The following SPECC1 variants were observed in gnomAD, a reference collection of about 807,000 sequenced individuals.
SPECC1 encodes the protein sperm antigen with calponin homology and coiled-coil domains 1, also known as cytospin-B.
In SPECC1, 62 loss-of-function variants were observed where a neutral mutation model predicts 104.1. That is an observed-to-expected ratio of 0.60 (90% CI 0.49 to 0.74). SPECC1 has a LOEUF of 0.74. Ranked by LOEUF, SPECC1 falls within the 30% of genes least tolerant of loss-of-function variation. The pLI, the probability that SPECC1 is intolerant of heterozygous loss-of-function variation, is 0.00. For missense variants in SPECC1, 1,306 were observed against 1,310.5 expected (o/e 1.00, Z 0.05); for synonymous variants, 513 against 501.6 (o/e 1.02, Z -0.30).
chr17:20,052,524 A>G (rs2045812804), intron 1 of SPECC1, among the ~76,000 whole-genome samples: 1 of 152,164 alleles, frequency 6.6e-6, no homozygotes, highest in African/African-American at 2.4e-5. Flanking sequence ...GTTCAAAGAT[A>G]CCTTAACGCC....
chr17:20,241,873 A>G (rs1265167197), intron 7 of SPECC1, among the ~76,000 whole-genome samples: 1 of 152,222 alleles, frequency 6.6e-6, no homozygotes, highest in Non-Finnish European at 1.5e-5. Flanking sequence ...AGGCAAGGGC[A>G]TAGAATGAGC....
At chr17:20,026,351 G>A (rs552001671) in intron 1 of SPECC1, among the ~76,000 whole-genome samples, 2 of 151,954 alleles carry the variant, frequency 1.3e-5, no homozygotes, top group Non-Finnish European at 2.9e-5. Context: ...ATCTCTTCTA[G>A]CTTTTTGAAC....
At chr17:20,051,129 TTTCTTTCTTTCCTTCTTTCC>T (rs2045754641) in intron 1 of SPECC1, among the ~76,000 whole-genome samples, 98 of 97,740 alleles carry the variant, frequency 1.0e-3, no homozygotes, top group African/African-American at 3.8e-3. Flanking sequence ...TCTTTCTTTC[TTTCTTTCTTTCCTTCTTTCC>T]TTCTTTCCTT....
At position 20,205,302 on chromosome 17, in the gene SPECC1, A is replaced by C. The variant is rs1396998300; in HGVS notation, c.1253A>C (p.Glu418Ala). The change falls in exon 4 of 15, where the codon GAA (glutamate) becomes GCA (alanine). Residue 418 changes from glutamate to alanine, a missense_variant. Coordinates refer to ENST00000395527, the MANE Select transcript of SPECC1 (RefSeq NM_001243439.2). The part of the protein sequence containing the change: ...LTAENEKLVD[E>A]KTILETSFHQ... ...GCTGAAAATGAGAAGCTGGTGGATG[A>C]AAAGACGATTTTAGAGACATCCTTT... The C allele has an allele frequency of 6.2e-7, 1 of 1,614,242 alleles. No homozygotes were observed. The highest frequency in any genetic ancestry group is 2.2e-5 in the East Asian group (1 of 44,890).
At chr17:20,287,273 C>T (rs1279106282) in intron 12 of SPECC1, among the ~76,000 whole-genome samples, 4 of 151,888 alleles carry the variant, frequency 2.6e-5, no homozygotes, top group Non-Finnish European at 2.9e-5. Flanking sequence ...AAAAATTAGC[C>T]GGGCGCGGTG....
chr17:20,212,667 T>G (rs1164088795), intron 4 of SPECC1, among the ~76,000 whole-genome samples: 3 of 152,332 alleles, frequency 2.0e-5, no homozygotes, highest in African/African-American at 7.2e-5. Flanking sequence ...AGCCAGTCTG[T>G]ATCACTCATG....
intron 3 of SPECC1, among the ~76,000 whole-genome samples, chr17:20,113,377 A>G (rs1301218297): frequency 6.6e-6 from 1 of 152,150 alleles, no homozygotes; most frequent in Non-Finnish European, 1.5e-5. Flanking sequence ...AACATATGCA[A>G]TTTATATTTA....
chr17:20,155,778 G>T, intron 3 of SPECC1: 1 of 366,992 alleles, frequency 2.7e-6, no homozygotes, highest in Non-Finnish European at 4.0e-6. Context: ...GTGCAGCTGC[G>T]GTTCTCAGCA....
chr17:20,059,183 T>A lies in SPECC1; in HGVS notation c.-21-37448T>A, dbSNP rs867202783. Among the ~76,000 whole-genome samples, 4 of 151,996 alleles carry A rather than the reference T, an allele frequency of 2.6e-5. No individual in the cohort carries two copies. The South Asian group carries it at 8.3e-4, about 32-fold the overall frequency. Reference sequence around the variant, plus strand: ...ATTATTATTACATTGTAATATAGAATGAAATAATGATACAACTCACTGTAA... The same window carrying A: ...ATTATTATTACATTGTAATATAGAAAGAAATAATGATACAACTCACTGTAA... On this transcript the variant is annotated intron_variant, in intron 1 of 14. Transcript: ENST00000395527.
chr17:20,058,489 T>A (rs957983387), intron 1 of SPECC1, among the ~76,000 whole-genome samples: 1 of 152,012 alleles, frequency 6.6e-6, no homozygotes. Context: ...GAGACCCCCA[T>A]CTCTATAAAA....
At chr17:20,011,509 C>T (rs1392464798) in intron 1 of SPECC1, among the ~76,000 whole-genome samples, 3 of 151,302 alleles carry the variant, frequency 2.0e-5, no homozygotes, top group African/African-American at 7.3e-5. Context: ...TTTTTGGTAC[C>T]TTTTCTCTTT....
At chr17:20,188,792 A>T (rs1330206715) in intron 3 of SPECC1, among the ~76,000 whole-genome samples, 1 of 152,216 alleles carries the variant, frequency 6.6e-6, no homozygotes, top group Non-Finnish European at 1.5e-5. Context: ...GATTCAAAGG[A>T]TACGGACGAT....
chr17:20,147,810 A>G (rs745946651), intron 3 of SPECC1, among the ~76,000 whole-genome samples: 70 of 152,218 alleles, frequency 4.6e-4, no homozygotes, highest in Non-Finnish European at 9.3e-4. Flanking sequence ...CCAAGTAGGG[A>G]AAATTGCTGG....
Position 20,112,685 on chromosome 17 carries a change from T to C in SPECC1, c.283+2123T>C, listed in dbSNP as rs2048552125. ...ACTCTGTTCTAATGTAGAAGGAGCA[T>C]CCCTGAAACTGTGTAATTTTGAGGA... is the stretch of plus-strand genomic sequence containing the variant. On this transcript the variant is annotated intron_variant, in intron 3 of 14. Coordinates refer to ENST00000395527, the MANE Select transcript of SPECC1 (RefSeq NM_001243439.2). 9 of 1,075,758 alleles carry C rather than the reference T, an allele frequency of 8.4e-6. No homozygotes were observed. In the African/African-American group the frequency reaches 1.1e-4, roughly 13 times the overall value. 66.6% of individuals were successfully genotyped at this position (1,075,758 alleles called of 1,614,324 possible). A position where few individuals can be genotyped will look rare whatever the true frequency, so the allele number is the denominator to read the frequency against.
intron 14 of SPECC1, among the ~76,000 whole-genome samples, chr17:20,312,550 A>G (rs749171441): frequency 5.3e-5 from 8 of 152,088 alleles, no homozygotes; most frequent in African/African-American, 1.2e-4. Context: ...TTCTTTTCCC[A>G]GAGCTCATCT....
rs187290382 is a variant in SPECC1, at chr17:20,172,783, C to G, written c.284-31550C>G. Among the ~76,000 whole-genome samples the G allele has an allele frequency of 2.6e-5, 4 of 152,260 alleles. No individual in the cohort carries two copies. In the East Asian group the frequency reaches 5.8e-4, roughly 22 times the overall value. On this transcript the variant is annotated intron_variant, in intron 3 of 14. Coordinates refer to ENST00000395527, the MANE Select transcript of SPECC1 (RefSeq NM_001243439.2). ...CCCCTCAAGGCTGTAAGAGTCAGAT[C>G]TGAGTGTTTTGAAAATGAGACGGTG...
chr17:20,122,225 C>G (rs746074228), intron 3 of SPECC1, among the ~76,000 whole-genome samples: 3 of 152,182 alleles, frequency 2.0e-5, no homozygotes, highest in Admixed American at 6.5e-5. Flanking sequence ...GGATTTTTTA[C>G]TCTTGACTCC....
chr17:20,159,362 T>G (rs2032920705), intron 3 of SPECC1, among the ~76,000 whole-genome samples: 1 of 152,226 alleles, frequency 6.6e-6, no homozygotes, highest in African/African-American at 2.4e-5. Flanking sequence ...TGTACCTGGT[T>G]AAGTTCTTTC....
At chr17:20,279,129 C>CT (rs897212578) in intron 12 of SPECC1, among the ~76,000 whole-genome samples, 8 of 152,128 alleles carry the variant, frequency 5.3e-5, no homozygotes, top group African/African-American at 9.7e-5. Context: ...GCATGTGAGT[C>CT]TATTTAGATA....
Sources: allele counts gnomAD v4.1 joint callset (sites outside exome capture counted in the v4.1 genomes callset), GRCh38; gene constraint gnomAD v4.1.1; transcripts MANE v1.5; gene names NCBI Gene and HGNC (gene_info 2026-07-23, HGNC 2026-07-21).